ITK: variants seen among roughly 807,000 people sequenced by gnomAD.
ITK encodes the protein IL2 inducible T cell kinase.
A neutral mutation model predicts 87.6 loss-of-function variants in ITK; 45 were observed. The observed-to-expected ratio is 0.51, with a 90% CI of 0.40 to 0.66. The LOEUF is 0.66. ITK is among the 30% of genes least tolerant of loss of function. The pLI is 0.00. For missense variants in ITK, 605 were observed against 766.3 expected (o/e 0.79, Z 2.48); for synonymous variants, 303 against 273.6 (o/e 1.11, Z -1.06).
chr5:157,218,841 A>G (rs1381683811), intron 5 of ITK, among the ~76,000 whole-genome samples: 1 of 152,152 alleles, frequency 6.6e-6, no homozygotes, highest in East Asian at 1.9e-4. Context: ...ACCTGGGAGC[A>G]TGTTAGAAAT....
chr5:157,217,424 C>G (rs949287595), intron 4 of ITK, among the ~76,000 whole-genome samples: 1 of 152,144 alleles, frequency 6.6e-6, no homozygotes, highest in Non-Finnish European at 1.5e-5. Flanking sequence ...CCCACCTCAG[C>G]CACCCCCTCC....
At chr5:157,235,299 G>A (rs1483096190) in intron 8 of ITK, among the ~76,000 whole-genome samples, 1 of 152,156 alleles carries the variant, frequency 6.6e-6, no homozygotes, top group Non-Finnish European at 1.5e-5. Context: ...ACCTACATTT[G>A]GGAGCCACTA....
chr5:157,198,547 G>GC (rs1253642480), intron 1 of ITK, among the ~76,000 whole-genome samples: 1 of 152,126 alleles, frequency 6.6e-6, no homozygotes, highest in African/African-American at 2.4e-5. Context: ...ACAGGTGTGG[G>GC]ATGGATCAGT....
chr5:157,201,132 A>G (rs906856535), intron 1 of ITK, among the ~76,000 whole-genome samples: 1 of 152,104 alleles, frequency 6.6e-6, no homozygotes, highest in Non-Finnish European at 1.5e-5. Flanking sequence ...AAAGAAAAAT[A>G]TTTGACAAAT....
rs779312585 is a variant in ITK at position 157,208,871 on chromosome 5, G to A, written c.139-18G>A. ...GTCTTCTTTCTTACATGAATGGGATGTTCTTCTCTCCCCACAGAAGAAGCG... is the reference window on the plus strand; with the variant it reads ...GTCTTCTTTCTTACATGAATGGGATATTCTTCTCTCCCCACAGAAGAAGCG... On this transcript the variant is annotated intron_variant, in intron 1 of 16. Transcript: ENST00000422843. The A allele has an allele frequency of 3.3e-6, 5 of 1,530,466 alleles. No individual in the cohort carries two copies. The South Asian group carries it at 4.5e-5, about 14-fold the overall frequency. The allele number at this position is 1,530,466 out of a possible 1,614,324, so 94.8% of individuals were successfully genotyped here.
chr5:157,240,617 G>A (rs1381579287), intron 10 of ITK: 1 of 223,262 alleles, frequency 4.5e-6, no homozygotes, highest in Non-Finnish European at 9.0e-6. Flanking sequence ...GGTTGTATAG[G>A]AAGCATGGTG....
chr5:157,229,952 A>G (rs887220625), intron 7 of ITK, among the ~76,000 whole-genome samples: 1 of 152,208 alleles, frequency 6.6e-6, no homozygotes, highest in Non-Finnish European at 1.5e-5. Flanking sequence ...ACACATGGTA[A>G]CTAAATACAG....
chr5:157,241,713 G>A lies in ITK; in HGVS notation c.1053G>A (p.Leu351=), dbSNP rs769875966. The change falls in exon 11 of 17, where the codon CTG becomes CTA. Residue 351 remains leucine (L), a synonymous_variant. Coordinates refer to ENST00000422843, the MANE Select transcript of ITK (RefSeq NM_005546.4). ...GRQKAPVTAG[L]RYGKWVIDPS... The stretch of plus-strand genomic sequence containing the variant: ...AGAAAGCCCCAGTTACAGCAGGGCT[G>A]AGATACGGTGAGCAGTACAATCAGG... 122 of 1,611,894 alleles carry A rather than the reference G, an allele frequency of 7.6e-5. No homozygotes were observed. The highest frequency in any genetic ancestry group is 9.8e-5 in the Non-Finnish European group (115 of 1,178,212).
intron 3 of ITK, chr5:157,211,620 T>A: frequency 1.9e-6 from 1 of 515,570 alleles, no homozygotes; most frequent in Non-Finnish European, 3.5e-6. Flanking sequence ...TCATTTCAAA[T>A]AGTTTAATAA....
intron 1 of ITK, among the ~76,000 whole-genome samples, chr5:157,190,543 T>C (rs1753732890): frequency 6.6e-6 from 1 of 152,194 alleles, no homozygotes; most frequent in Admixed American, 6.5e-5. Context: ...TGCACCACCC[T>C]AATAGCTTGC....
intron 5 of ITK, among the ~76,000 whole-genome samples, chr5:157,221,261 A>G (rs1754407321): frequency 6.6e-6 from 1 of 152,100 alleles, no homozygotes; most frequent in South Asian, 2.1e-4. Context: ...ACTCAACTAC[A>G]GCATTACCAC....
intron 1 of ITK, among the ~76,000 whole-genome samples, chr5:157,185,672 T>C (rs1189721123): frequency 7.0e-6 from 1 of 143,060 alleles, no homozygotes; most frequent in African/African-American, 2.6e-5. Context: ...ATGGTGAGAC[T>C]CCGTCTCCAC....
chr5:157,254,834 T>C lies in ITK; in HGVS notation c.*2156T>C, dbSNP rs1755219529. ...TACCTTTTTCAAGCTCAGATTCATCTAATCCTCAACTGTACATGTGTACAT... is the reference window on the plus strand; with the variant it reads ...TACCTTTTTCAAGCTCAGATTCATCCAATCCTCAACTGTACATGTGTACAT... On this transcript the variant is annotated 3_prime_UTR_variant, in exon 17 of 17. Transcript: ENST00000422843. The C allele has an allele frequency of 4.6e-6, 1 of 217,524 alleles. No individual in the cohort carries two copies. Among genetic ancestry groups the C allele is most frequent in the South Asian group, 1.9e-4 (1 of 5,382 alleles). The allele number at this position is 217,524 out of a possible 1,614,324, so 13.5% of individuals were successfully genotyped here.
intron 1 of ITK, among the ~76,000 whole-genome samples, chr5:157,182,251 A>G (rs777699393): frequency 2.0e-5 from 3 of 152,162 alleles, no homozygotes; most frequent in African/African-American, 4.8e-5. Context: ...AAAGTGCTCC[A>G]GTTCTTTGTT....
chr5:157,181,107 C>G lies in ITK; in HGVS notation c.130C>G (p.Arg44Gly), dbSNP rs774659403. Reference sequence around the variant, plus strand: ...AGCCAGCCTGGCATACTTTGAAGATCGTCATGGGGTATGTGAGCAGTTTCA... The same window carrying G: ...AGCCAGCCTGGCATACTTTGAAGATGGTCATGGGGTATGTGAGCAGTTTCA... ...TKASLAYFEDRHGKKRTLKGS... is the reference protein window; with the variant it reads ...TKASLAYFEDGHGKKRTLKGS... Residue 44 changes from arginine to glycine, a missense_variant, in exon 1 of 17, where the codon CGT (arginine) becomes GGT (glycine). Arg to Gly is a moderately radical substitution (Grantham distance 125, BLOSUM62 -2). This residue lies in a region of ITK where 464 missense variants were observed against 578.0 expected (regional missense o/e 0.80). Coordinates refer to ENST00000422843, the MANE Select transcript of ITK (RefSeq NM_005546.4). The G allele has an allele frequency of 1.2e-6, 2 of 1,614,042 alleles. No homozygotes were observed. Among genetic ancestry groups the G allele is most frequent in the Non-Finnish European group, 1.7e-6 (2 of 1,179,882 alleles).
chr5:157,186,741 C>T (rs1251987244), intron 1 of ITK, among the ~76,000 whole-genome samples: 2 of 151,406 alleles, frequency 1.3e-5, no homozygotes, highest in African/African-American at 2.4e-5. Flanking sequence ...TAAAGTTCTC[C>T]TAGAATCTCC....
intron 1 of ITK, among the ~76,000 whole-genome samples, chr5:157,187,286 G>A (rs1411511299): frequency 6.6e-6 from 1 of 152,214 alleles, no homozygotes; most frequent in Non-Finnish European, 1.5e-5. Flanking sequence ...AGCTTTATGA[G>A]AGCAGGCACC....
At position 157,208,104 on chromosome 5, in the gene ITK, C is replaced by G. The variant is rs1754118478; in HGVS notation, c.139-785C>G. ...GAGAGGCTTCTTCCATCCAGAAGCA[C>G]TTTCCTAACTATCTTTCCTTGGAGC... On this transcript the variant is annotated intron_variant, in intron 1 of 16. Transcript: ENST00000422843. Among the ~76,000 whole-genome samples the G allele has an allele frequency of 2.0e-5, 3 of 152,308 alleles. No individual in the cohort carries two copies. The South Asian group carries it at 6.2e-4, about 32-fold the overall frequency.
At chr5:157,245,649 T>G in intron 13 of ITK, 77 bp from the exon 14 acceptor site, 3 of 1,134,136 alleles carry the variant, frequency 2.6e-6, no homozygotes, top group Middle Eastern at 2.0e-4. Flanking sequence ...AGGACTGTGA[T>G]TATAGGAGAC....
Sources: allele counts gnomAD v4.1 joint callset (sites outside exome capture counted in the v4.1 genomes callset), GRCh38; gene constraint gnomAD v4.1.1; regional missense constraint gnomAD v4.1.1; transcripts MANE v1.5; gene names NCBI Gene and HGNC (gene_info 2026-07-23, HGNC 2026-07-21).